COL23A1: variants seen among roughly 807,000 people sequenced by gnomAD.
COL23A1 encodes collagen type XXIII alpha 1 chain, also known as collagen alpha-1(XXIII) chain.
A neutral mutation model predicts 99.3 loss-of-function variants in COL23A1; 97 were observed. The observed-to-expected ratio is 0.98, with a 90% confidence interval of 0.83 to 1.16. COL23A1 has a LOEUF of 1.16. COL23A1 is among the 50% of genes most tolerant of loss of function. COL23A1 has a pLI of 0.00. For missense variants in COL23A1, 762 were observed against 757.4 expected, an observed-to-expected ratio of 1.01 and a Z score of -0.07; for synonymous variants, 320 against 308.2, an observed-to-expected ratio of 1.04 and a Z score of -0.40.
intron 2 of COL23A1, among the ~76,000 whole-genome samples, chr5:178,542,104 A>T (rs1581599628): frequency 6.6e-6 from 1 of 151,944 alleles, no homozygotes; most frequent in African/African-American, 2.4e-5. Context: ...GCTCACTGCA[A>T]CCTCCGCCTC....
In COL23A1 at chr5:178,551,199, T is replaced by C. The variant is rs1449860408; in HGVS notation, c.361+9483A>G. ...TTTTATATTTATATATTTAAATATA[T>C]ATAAATTATTTTTCTTTTACATTCC... On this transcript the variant is annotated intron_variant, in intron 2 of 28. Coordinates refer to ENST00000390654, the MANE Select transcript of COL23A1 (RefSeq NM_173465.4). Among the ~76,000 whole-genome samples the C allele has an allele frequency of 6.1e-5, 9 of 148,466 alleles. No homozygotes were observed. In the South Asian group the frequency reaches 1.3e-3, roughly 21 times the overall value.
At chr5:178,502,185 G>A (rs1217843881) in intron 2 of COL23A1, among the ~76,000 whole-genome samples, 1 of 152,200 alleles carries the variant, frequency 6.6e-6, no homozygotes, top group Non-Finnish European at 1.5e-5. Flanking sequence ...AGGCTGGAGT[G>A]CAGTGGCGTG....
chr5:178,440,334 A>T (rs1766794764), intron 2 of COL23A1, among the ~76,000 whole-genome samples: 1 of 152,008 alleles, frequency 6.6e-6, no homozygotes, highest in African/African-American at 2.4e-5. Context: ...CCCCCTCTGG[A>T]ATTCACCTCA....
intron 2 of COL23A1, among the ~76,000 whole-genome samples, chr5:178,488,644 G>A (rs541243392): frequency 6.1e-4 from 92 of 151,478 alleles, no homozygotes; most frequent in Admixed American, 2.3e-3. Flanking sequence ...AAAACGGTGC[G>A]TGGAGTTTGA....
intron 2 of COL23A1, among the ~76,000 whole-genome samples, chr5:178,528,290 C>T (rs1197639994): frequency 6.6e-6 from 1 of 152,230 alleles, no homozygotes; most frequent in African/African-American, 2.4e-5. Context: ...CCATCTCACA[C>T]ACTCCCTACA....
intron 2 of COL23A1, among the ~76,000 whole-genome samples, chr5:178,433,636 C>T (rs1766387407): frequency 6.6e-6 from 1 of 152,168 alleles, no homozygotes; most frequent in Admixed American, 6.5e-5. Flanking sequence ...CCAGTCACGT[C>T]ATTACATACA....
intron 2 of COL23A1, among the ~76,000 whole-genome samples, chr5:178,477,791 G>T (rs990476015): frequency 4.6e-5 from 7 of 152,212 alleles, no homozygotes; most frequent in African/African-American, 1.7e-4. Context: ...TACAGCCCGA[G>T]TCATTTGCTT....
intron 2 of COL23A1, among the ~76,000 whole-genome samples, chr5:178,492,437 A>G (rs1037609472): frequency 2.0e-5 from 3 of 152,096 alleles, no homozygotes; most frequent in African/African-American, 7.2e-5. Flanking sequence ...GCCAGGAGAG[A>G]GGCCTCAAAA....
intron 2 of COL23A1, among the ~76,000 whole-genome samples, chr5:178,416,589 C>T (rs1234356722): frequency 6.6e-6 from 1 of 152,188 alleles, no homozygotes; most frequent in Non-Finnish European, 1.5e-5. Context: ...CATACCCATG[C>T]CTATTTTAAA....
At chr5:178,429,861 T>C (rs907122162) in intron 2 of COL23A1, among the ~76,000 whole-genome samples, 47 of 152,168 alleles carry the variant, frequency 3.1e-4, no homozygotes, top group African/African-American at 1.1e-3. Context: ...CCCTGACCTA[T>C]GGCCTGGCTC....
chr5:178,520,123 G>C (rs946879909), intron 2 of COL23A1, among the ~76,000 whole-genome samples: 1 of 152,184 alleles, frequency 6.6e-6, no homozygotes, highest in Non-Finnish European at 1.5e-5. Context: ...TAAATGGATG[G>C]ATGGATGCAT....
Position 178,366,245 on chromosome 5 carries a change from C to T in COL23A1, c.362-59326G>A, listed in dbSNP as rs1255114260. On this transcript the variant is annotated intron_variant, in intron 2 of 28. Coordinates refer to ENST00000390654, the MANE Select transcript of COL23A1 (RefSeq NM_173465.4). This position sits in a 1 kb window ranked among gnomAD's most constrained non-coding sequence, Gnocchi z 4.4. ...CTGGCTGAAGGGCCTGCTCCCAGCCCAGCTTGGCTGTCCAGTGGGGAGGGG... is the reference window on the plus strand; with the variant it reads ...CTGGCTGAAGGGCCTGCTCCCAGCCTAGCTTGGCTGTCCAGTGGGGAGGGG... Among the ~76,000 whole-genome samples the T allele has an allele frequency of 6.6e-6, 1 of 152,202 alleles. No individual in the cohort carries two copies.
intron 2 of COL23A1, among the ~76,000 whole-genome samples, chr5:178,368,362 C>T (rs559984880): frequency 9.4e-4 from 143 of 152,256 alleles, no homozygotes; most frequent in African/African-American, 3.3e-3. Context: ...ATCCCCTCAG[C>T]CCACAAACGC....
chr5:178,383,497 C>T (rs948101011), intron 2 of COL23A1, among the ~76,000 whole-genome samples: 36 of 152,234 alleles, frequency 2.4e-4, no homozygotes, highest in African/African-American at 8.7e-4. Context: ...AGGTCTCTGC[C>T]ACCTGCAGGC....
chr5:178,377,336 A>G (rs1301289021), intron 2 of COL23A1, among the ~76,000 whole-genome samples: 1 of 151,552 alleles, frequency 6.6e-6, no homozygotes, highest in Non-Finnish European at 1.5e-5. Flanking sequence ...TTCCTTTTCC[A>G]AGGGAAGGCA....
rs578165809 is a variant in COL23A1, at chr5:178,576,511, G to T, written c.294+13393C>A. ...GCCTCCCAAAGTGCTGGGATTACGG[G>T]CGTGAGCCACCCACCGAGCCCGTCC... On this transcript the variant is annotated intron_variant, in intron 1 of 28. Coordinates refer to ENST00000390654, the MANE Select transcript of COL23A1 (RefSeq NM_173465.4). Among the ~76,000 whole-genome samples the T allele has an allele frequency of 4.6e-5, 7 of 152,272 alleles. No homozygotes were observed. In the East Asian group the frequency reaches 1.4e-3, roughly 30 times the overall value.
At position 178,516,168 on chromosome 5, in the gene COL23A1, G is replaced by A. The variant is rs1037436015; in HGVS notation, c.361+44514C>T. On this transcript the variant is annotated intron_variant, in intron 2 of 28. Transcript: ENST00000390654. ...CCCTACCCCTCTTCCCGTGCTTCAG[G>A]GCCTCCCAGCCCAGTCTCTGAGAAA... Among the ~76,000 whole-genome samples, 4 of 152,124 alleles carry A rather than the reference G, an allele frequency of 2.6e-5. No individual in the cohort carries two copies. The East Asian group carries it at 5.8e-4, about 22-fold the overall frequency.
At chr5:178,515,956 C>A (rs917673743) in intron 2 of COL23A1, among the ~76,000 whole-genome samples, 4 of 152,160 alleles carry the variant, frequency 2.6e-5, no homozygotes, top group Non-Finnish European at 5.9e-5. Flanking sequence ...GACGCCTCTG[C>A]ACGCCCTTCC....
In COL23A1 at chr5:178,247,795, G is replaced by C. The variant is rs746580748; in HGVS notation, c.1249C>G (p.Pro417Ala). Residue 417 changes from proline (P) to alanine (A), a missense_variant, in exon 21 of 29, where the codon CCT (proline) becomes GCT (alanine). Pro to Ala is a conservative substitution (Grantham distance 27, BLOSUM62 -1). Transcript: ENST00000390654. ...CTTACCATCGGGCCTGGGGGGCCAGGGGGGCCAGGGGGCCCTGGCTCCACT... is the reference window on the plus strand; with the variant it reads ...CTTACCATCGGGCCTGGGGGGCCAGCGGGGCCAGGGGGCCCTGGCTCCACT... ...LIVEPGPPGP[P>A]GPPGPMGLQG... 1.9e-6 allele frequency: 3 copies of C among 1,613,448 alleles called. No individual in the cohort carries two copies. Among genetic ancestry groups the C allele is most frequent in the African/African-American group, 1.3e-5 (1 of 74,896 alleles).
Sources: gnomAD v4.1 joint callset for allele counts (sites outside exome capture counted in the v4.1 genomes callset) on GRCh38, gnomAD v4.1.1 for gene constraint, Gnocchi (gnomAD v3.1) non-coding constraint, MANE v1.5 for transcripts, NCBI Gene and HGNC (gene_info 2026-07-23, HGNC 2026-07-21) for gene names.